The following HDAC4 variants were observed in gnomAD, a reference collection of about 807,000 sequenced individuals.
HDAC4 encodes the protein histone deacetylase 4.
Under a neutral mutation model 135.1 loss-of-function variants are expected in HDAC4, and 16 were observed. The observed-to-expected ratio is 0.12, with a 90% CI of 0.08 to 0.18. The LOEUF (loss-of-function observed/expected upper bound fraction) is 0.18, where lower values mean the gene tolerates loss of function less well. Ranked by LOEUF, HDAC4 falls within the 10% of genes least tolerant of loss-of-function variation. HDAC4 has a pLI of 1.00. For missense variants in HDAC4, 1,143 were observed against 1,511.8 expected, an observed-to-expected ratio of 0.76 and a Z score of 4.05; for synonymous variants, 685 against 653.4, an observed-to-expected ratio of 1.05 and a Z score of -0.74.
chr2:239,120,249 G>T (rs1295221472), intron 12 of HDAC4, among the ~76,000 whole-genome samples: 1 of 152,164 alleles, frequency 6.6e-6, no homozygotes, highest in Non-Finnish European at 1.5e-5. Flanking sequence ...GAGCACAGAG[G>T]AGCTACGCAG....
intron 2 of HDAC4, among the ~76,000 whole-genome samples, chr2:239,264,074 G>A (rs963923721): frequency 5.9e-5 from 9 of 152,144 alleles, no homozygotes; most frequent in African/African-American, 2.2e-4. Context: ...GGAAGACACA[G>A]CCCTGGAAAG....
At chr2:239,342,145 C>T (rs1015550223) in intron 2 of HDAC4, among the ~76,000 whole-genome samples, 3 of 151,860 alleles carry the variant, frequency 2.0e-5, no homozygotes, top group Admixed American at 6.5e-5. Flanking sequence ...GCAGGCTGAA[C>T]GAACAAAGGC....
intron 5 of HDAC4, among the ~76,000 whole-genome samples, chr2:239,175,523 T>G (rs1223755426): frequency 6.6e-6 from 1 of 152,174 alleles, no homozygotes; most frequent in Non-Finnish European, 1.5e-5. Flanking sequence ...CTGGATAGTA[T>G]GAAGTGTGGG....
Position 239,090,057 on chromosome 2 carries a change from C to G in HDAC4, c.2340G>C (p.Val780=), listed in dbSNP as rs1411385865. Residue 780 remains valine (V), a synonymous_variant, in exon 18 of 27, where the codon GTG becomes GTC. Transcript: ENST00000543185. ...TGAAGACCAGCTCTACCACGCAGCC[C>G]ACAGCCAGGCGGGCTGCCCCCGCCG... The part of the protein sequence containing the change: ...VHSAGAARLA[V]GCVVELVFKV... 6.2e-7 allele frequency: 1 copy of G among 1,613,920 alleles called. No individual in the cohort carries two copies. The highest frequency in any genetic ancestry group is 1.1e-5 in the South Asian group (1 of 91,090).
At chr2:239,067,074 T>A (rs994235201) in intron 23 of HDAC4, 1 of 628,006 alleles carries the variant, frequency 1.6e-6, no homozygotes, top group Non-Finnish European at 2.8e-6. Context: ...ATGCTTTGAT[T>A]TTTAATCAGC....
intron 3 of HDAC4, among the ~76,000 whole-genome samples, chr2:239,190,388 C>A (rs540945800): frequency 6.6e-6 from 1 of 152,212 alleles, no homozygotes; most frequent in Non-Finnish European, 1.5e-5. Flanking sequence ...CAGAGGACCC[C>A]GCTACAGGCC....
In HDAC4 at chr2:239,066,976, A is replaced by G. The variant is rs10168053; in HGVS notation, c.2870-121T>C. 7.8e-3 allele frequency: 9,636 copies of G among 1,242,438 alleles called. 543 individuals are homozygous for G. In the African/African-American group the frequency reaches 0.12, roughly 16 times the overall value. The allele number at this position is 1,242,438 out of a possible 1,614,324, so 77.0% of individuals were successfully genotyped here. A position where few individuals can be genotyped will look rare whatever the true frequency, so the allele number is the denominator to read the frequency against. On this transcript the variant is annotated intron_variant, in intron 23 of 26. Coordinates refer to ENST00000543185, the MANE Select transcript of HDAC4 (RefSeq NM_001378414.1). The stretch of plus-strand genomic sequence containing the variant: ...GGCTGGGGTGTCGAGACACATGGCC[A>G]GGCCGGGTTTCGTTTAATAAATTCG...
chr2:239,070,605 G>T (rs2034084265), intron 22 of HDAC4, among the ~76,000 whole-genome samples: 2 of 152,216 alleles, frequency 1.3e-5, no homozygotes, highest in African/African-American at 2.4e-5. Context: ...TCCCTCTGTG[G>T]GTGAGGGGAG....
intron 2 of HDAC4, among the ~76,000 whole-genome samples, chr2:239,264,457 G>A (rs888075539): frequency 2.0e-5 from 3 of 152,214 alleles, no homozygotes; most frequent in Admixed American, 1.3e-4. Flanking sequence ...GAAGGTCGCT[G>A]GGCAGATGCA....
intron 2 of HDAC4, among the ~76,000 whole-genome samples, chr2:239,345,097 C>T (rs1360900859): frequency 6.6e-6 from 1 of 152,180 alleles, no homozygotes; most frequent in African/African-American, 2.4e-5. Context: ...TCCTGCAAAG[C>T]CACTCTCAGC....
intron 1 of HDAC4, among the ~76,000 whole-genome samples, chr2:239,381,663 T>G (rs570544149): frequency 3.3e-5 from 5 of 152,340 alleles, no homozygotes; most frequent in Non-Finnish European, 7.3e-5. Context: ...GTTCTGGACT[T>G]AATGACAAGA....
chr2:239,228,475 T>C (rs1490983567), intron 3 of HDAC4, among the ~76,000 whole-genome samples: 2 of 152,070 alleles, frequency 1.3e-5, no homozygotes, highest in Non-Finnish European at 2.9e-5. Context: ...AAAGGTGGTG[T>C]TCTTGGCCCC....
At chr2:239,328,380 G>C (rs2053530259) in intron 2 of HDAC4, among the ~76,000 whole-genome samples, 1 of 152,178 alleles carries the variant, frequency 6.6e-6, no homozygotes, top group Admixed American at 6.5e-5. Context: ...TTAAGATGAG[G>C]TTTGCTGTGA....
chr2:239,181,540 C>A (rs553911998), intron 4 of HDAC4, among the ~76,000 whole-genome samples: 1 of 152,382 alleles, frequency 6.6e-6, no homozygotes, highest in East Asian at 1.9e-4. Flanking sequence ...TTCCGAACAA[C>A]CAACTTAAAT....
In HDAC4 at chr2:239,191,357, C is replaced by T. The variant is rs1461099981; in HGVS notation, c.95-1280G>A. 2.6e-5 allele frequency among the ~76,000 whole-genome samples: 4 copies of T among 152,198 alleles called. No homozygotes were observed. In the East Asian group the frequency reaches 7.7e-4, roughly 29 times the overall value. Reference sequence around the variant, plus strand: ...GCCCGTCTCTGGACTGGCTTAAGACCAGGCCTTGTCAGCAACTCAGTTCCT... The same window carrying T: ...GCCCGTCTCTGGACTGGCTTAAGACTAGGCCTTGTCAGCAACTCAGTTCCT... On this transcript the variant is annotated intron_variant, in intron 3 of 26. Transcript: ENST00000543185.
At chr2:239,226,922 C>T (rs901245453) in intron 3 of HDAC4, among the ~76,000 whole-genome samples, 1 of 152,244 alleles carries the variant, frequency 6.6e-6, no homozygotes, top group African/African-American at 2.4e-5. Context: ...TGAACACAAT[C>T]ACGTTGTCAG....
At chr2:239,136,170 CAGAT>C (rs1445910435) in intron 9 of HDAC4, among the ~76,000 whole-genome samples, 2 of 152,120 alleles carry the variant, frequency 1.3e-5, no homozygotes, top group African/African-American at 2.4e-5. Context: ...TGGGGTTTGG[CAGAT>C]AGAAATCCCC....
chr2:239,388,671 G>A (rs568886833), intron 1 of HDAC4, among the ~76,000 whole-genome samples: 4 of 152,262 alleles, frequency 2.6e-5, no homozygotes, highest in South Asian at 2.1e-4. Flanking sequence ...CCCCCACCCC[G>A]CCCCTTGGGG....
At chr2:239,256,293 T>C (rs977966793) in intron 2 of HDAC4, among the ~76,000 whole-genome samples, 4 of 152,272 alleles carry the variant, frequency 2.6e-5, no homozygotes, top group African/African-American at 7.2e-5. Context: ...TTCCCAAATT[T>C]ACTTCTGCAG....
Sources: gnomAD v4.1 joint callset for allele counts (sites outside exome capture counted in the v4.1 genomes callset) on GRCh38, gnomAD v4.1.1 for gene constraint, MANE v1.5 for transcripts, NCBI Gene and HGNC (gene_info 2026-07-23, HGNC 2026-07-21) for gene names.